DTNA: variants seen among roughly 807,000 people sequenced by gnomAD.
DTNA encodes the protein dystrobrevin alpha.
DTNA carries 43 observed loss-of-function variants against 100.7 expected under a neutral mutation model. The observed-to-expected ratio is 0.43, with a 90% confidence interval of 0.33 to 0.55. The LOEUF (loss-of-function observed/expected upper bound fraction) is 0.55, where lower values mean the gene tolerates loss of function less well. Ranked by LOEUF, DTNA falls within the 20% of genes least tolerant of loss-of-function variation. The probability of loss-of-function intolerance (pLI) is 0.04; values close to 1 mark genes in which losing one functional copy is unlikely to be tolerated. For missense variants in DTNA, 798 were observed against 953.9 expected, an observed-to-expected ratio of 0.84 and a Z score of 2.15; for synonymous variants, 349 against 347.9, an observed-to-expected ratio of 1.00 and a Z score of -0.04.
At chr18:34,702,685 A>G (rs184360490) in intron 1 of DTNA, among the ~76,000 whole-genome samples, 2 of 152,184 alleles carry the variant, frequency 1.3e-5, no homozygotes, top group Non-Finnish European at 2.9e-5. Flanking sequence ...CCCATAATAA[A>G]CACAGCATTT....
intron 1 of DTNA, among the ~76,000 whole-genome samples, chr18:34,495,763 A>G (rs531725027): frequency 6.6e-6 from 1 of 152,306 alleles, no homozygotes; most frequent in South Asian, 2.1e-4. Flanking sequence ...CATTAGTTCT[A>G]AGTTGAAATA....
chr18:34,816,121 T>A, intron 7 of DTNA, 107 bp downstream of exon 7: 1 of 1,136,638 alleles, frequency 8.8e-7, no homozygotes, highest in South Asian at 1.2e-5. Context: ...GCCTATTTAG[T>A]GGCTCTTAGT....
intron 1 of DTNA, among the ~76,000 whole-genome samples, chr18:34,581,381 A>G (rs1411641896): frequency 1.3e-5 from 2 of 152,228 alleles, no homozygotes; most frequent in Non-Finnish European, 2.9e-5. Context: ...GAGTGACAAC[A>G]GCTGTAGAAT....
intron 1 of DTNA, among the ~76,000 whole-genome samples, chr18:34,721,927 G>A (rs945338078): frequency 1.3e-5 from 2 of 152,198 alleles, no homozygotes; most frequent in African/African-American, 2.4e-5. Flanking sequence ...AGTCTGGGCA[G>A]GAGAAAAGAA....
chr18:34,868,534 G>A (rs779571832), intron 17 of DTNA: 123 of 985,184 alleles, frequency 1.2e-4, no homozygotes, highest in Non-Finnish European at 1.4e-4. Flanking sequence ...CTCCCCTTTG[G>A]GGACATTGTC....
At chr18:34,721,870 A>T (rs1443501922) in intron 1 of DTNA, among the ~76,000 whole-genome samples, 1 of 152,140 alleles carries the variant, frequency 6.6e-6, no homozygotes, top group Non-Finnish European at 1.5e-5. Context: ...CGGAGACATA[A>T]AAAATACTCT....
chr18:34,881,885 A>T (rs1568896393), intron 20 of DTNA, among the ~76,000 whole-genome samples, 184 bp from the exon 21 acceptor site: 1 of 152,176 alleles, frequency 6.6e-6, no homozygotes, highest in Non-Finnish European at 1.5e-5. Flanking sequence ...CCTTGATCAT[A>T]TATCGCTTCA....
chr18:34,617,155 A>G (rs1404320321), intron 1 of DTNA, among the ~76,000 whole-genome samples: 1 of 152,092 alleles, frequency 6.6e-6, no homozygotes, highest in African/African-American at 2.4e-5. Context: ...TTCCAGTACT[A>G]TGCTGAATAT....
intron 1 of DTNA, chr18:34,513,771 A>G (rs1425436185): frequency 6.6e-6 from 1 of 152,180 alleles, no homozygotes; most frequent in African/African-American, 2.4e-5. Context: ...CATTCTGAGA[A>G]GCAAGAAGGC....
intron 1 of DTNA, among the ~76,000 whole-genome samples, chr18:34,738,669 G>A (rs1370391287): frequency 6.6e-6 from 1 of 152,060 alleles, no homozygotes; most frequent in Non-Finnish European, 1.5e-5. Flanking sequence ...CTCTCCCTGT[G>A]CTGTGTTCAG....
At position 34,557,732 on chromosome 18, in the gene DTNA, A is replaced by C. The variant is rs537070632; in HGVS notation, c.-2+64218A>C. On this transcript the variant is annotated intron_variant, in intron 1 of 19. Coordinates refer to the DTNA transcript ENST00000283365. The stretch of plus-strand genomic sequence containing the variant: ...GAGGAGGCAGTCTGCCTGTTCTCAG[A>C]TTTCCAGCTACGTGCTGGGAGAACC... 1.4e-5 allele frequency among the ~76,000 whole-genome samples: 2 copies of C among 147,428 alleles called. 1 individual carries two copies. Among genetic ancestry groups the C allele is most frequent in the Non-Finnish European group, 3.1e-5 (2 of 64,860 alleles).
intron 5 of DTNA, among the ~76,000 whole-genome samples, chr18:34,809,499 A>G (rs903234876): frequency 6.6e-6 from 1 of 152,078 alleles, no homozygotes; most frequent in African/African-American, 2.4e-5. Flanking sequence ...TAAGGTCATG[A>G]TTTTCTACGT....
At chr18:34,556,499 C>T (rs1180074978) in intron 1 of DTNA, among the ~76,000 whole-genome samples, 16 of 151,742 alleles carry the variant, frequency 1.1e-4, no homozygotes, top group South Asian at 4.2e-4. Context: ...GATTTTGCAG[C>T]GGCTGGTACC....
chr18:34,531,506 C>T (rs1475328868), intron 1 of DTNA, among the ~76,000 whole-genome samples: 1 of 152,084 alleles, frequency 6.6e-6, no homozygotes, highest in Non-Finnish European at 1.5e-5. Flanking sequence ...CTTGCATTTG[C>T]TCATCCATTA....
At chr18:34,521,008 A>C (rs1328897002) in intron 1 of DTNA, among the ~76,000 whole-genome samples, 1 of 152,202 alleles carries the variant, frequency 6.6e-6, no homozygotes, top group Non-Finnish European at 1.5e-5. Context: ...TCACTTATTG[A>C]GCATTCACTA....
At chr18:34,742,324 A>G (rs1404122497) in intron 1 of DTNA, among the ~76,000 whole-genome samples, 1 of 152,142 alleles carries the variant, frequency 6.6e-6, no homozygotes, top group Non-Finnish European at 1.5e-5. Context: ...GTCTTACTGT[A>G]CTAAAATTAG....
chr18:34,606,246 C>T (rs2053079354), intron 1 of DTNA, among the ~76,000 whole-genome samples: 1 of 152,072 alleles, frequency 6.6e-6, no homozygotes, highest in Admixed American at 6.6e-5. Flanking sequence ...ATAGCTGCAA[C>T]TTCAGTATAG....
chr18:34,792,953 G>A (rs998321258), intron 3 of DTNA, among the ~76,000 whole-genome samples: 2 of 152,020 alleles, frequency 1.3e-5, no homozygotes, highest in African/African-American at 4.8e-5. Context: ...CAACCCAAAT[G>A]TTCATCAACA....
intron 1 of DTNA, among the ~76,000 whole-genome samples, chr18:34,554,844 A>G (rs1167955737): frequency 4.7e-5 from 7 of 150,194 alleles, no homozygotes; most frequent in Admixed American, 2.6e-4. Context: ...CTCTTTTTTG[A>G]TTGTGTCTCT....
Sources: allele counts gnomAD v4.1 joint callset (sites outside exome capture counted in the v4.1 genomes callset), GRCh38; gene constraint gnomAD v4.1.1; transcripts MANE v1.5; gene names NCBI Gene and HGNC (gene_info 2026-07-23, HGNC 2026-07-21).